ESRRG: variants seen among roughly 807,000 people sequenced by gnomAD.
ESRRG encodes the protein estrogen related receptor gamma.
In ESRRG, 13 loss-of-function variants were observed where a neutral mutation model predicts 44.0. The ratio of observed to expected loss-of-function variants is 0.30; its 90% CI spans 0.19 to 0.47. ESRRG has a LOEUF of 0.47. Among genes scored for constraint, ESRRG ranks in the 20% least tolerant of loss-of-function variants. The pLI, the probability that ESRRG is intolerant of heterozygous loss-of-function variation, is 1.00. For synonymous variants in ESRRG, 215 were observed against 214.6 expected, an observed-to-expected ratio of 1.00 and a Z score of -0.02; for missense variants, 395 against 580.6, an observed-to-expected ratio of 0.68 and a Z score of 3.29.
intron 1 of ESRRG, among the ~76,000 whole-genome samples, chr1:217,120,139 C>T (rs150931485): frequency 3.9e-4 from 59 of 152,200 alleles, no homozygotes; most frequent in African/African-American, 1.4e-3. Context: ...CTCCAAGGCA[C>T]CCCACATTTA....
Position 217,074,206 on chromosome 1 carries a change from C to T in ESRRG, c.-106+15301G>A, listed in dbSNP as rs544523029. ...GAGATTACAGGTGCCCACCACCGTG[C>T]CTGGCTAATTTTTTGTATTTTTAGT... On this transcript the variant is annotated intron_variant, in intron 1 of 7. Transcript: ENST00000359162. Among the ~76,000 whole-genome samples the T allele has an allele frequency of 5.3e-5, 8 of 152,054 alleles. No individual in the cohort carries two copies. The East Asian group carries it at 1.4e-3, about 26-fold the overall frequency.
intron 6 of ESRRG, among the ~76,000 whole-genome samples, chr1:216,514,129 G>C (rs889653971): frequency 2.6e-5 from 4 of 151,980 alleles, no homozygotes; most frequent in African/African-American, 9.7e-5. Context: ...CATTGAACAT[G>C]AAAAGAAATA....
chr1:216,759,239 G>A (rs1045797298), intron 2 of ESRRG, among the ~76,000 whole-genome samples: 4 of 152,124 alleles, frequency 2.6e-5, no homozygotes, highest in Non-Finnish European at 4.4e-5. Flanking sequence ...ACAGTTTCTA[G>A]CAGCAGAAGC....
At chr1:216,740,914 A>G (rs893531837) in intron 2 of ESRRG, among the ~76,000 whole-genome samples, 1 of 144,752 alleles carries the variant, frequency 6.9e-6, no homozygotes, top group African/African-American at 2.5e-5. Context: ...ATACATATTG[A>G]CATTCTTTCA....
intron 2 of ESRRG, among the ~76,000 whole-genome samples, chr1:216,663,079 G>A (rs2072942485): frequency 6.6e-6 from 1 of 152,136 alleles, no homozygotes; most frequent in South Asian, 2.1e-4. Flanking sequence ...TTTGTAAATT[G>A]ATAATAACTG....
intron 1 of ESRRG, among the ~76,000 whole-genome samples, chr1:216,688,610 G>T (rs1191386422): frequency 6.6e-6 from 1 of 152,120 alleles, no homozygotes; most frequent in Admixed American, 6.6e-5. Flanking sequence ...TGACTTATGT[G>T]AAGCAGGCTC....
intron 1 of ESRRG, among the ~76,000 whole-genome samples, chr1:216,961,814 G>A (rs946137409): frequency 1.3e-5 from 2 of 151,972 alleles, no homozygotes; most frequent in African/African-American, 2.4e-5. Context: ...TCAATTGAAC[G>A]AGAAGGTCAT....
intron 1 of ESRRG, among the ~76,000 whole-genome samples, chr1:217,030,670 T>C (rs1014540181): frequency 6.6e-6 from 1 of 152,234 alleles, no homozygotes; most frequent in Non-Finnish European, 1.5e-5. Flanking sequence ...CTAAAGGAGA[T>C]GGGCTGAGCA....
intron 2 of ESRRG, among the ~76,000 whole-genome samples, chr1:216,674,478 A>G (rs2075750415): frequency 6.6e-6 from 1 of 152,192 alleles, no homozygotes; most frequent in Non-Finnish European, 1.5e-5. Context: ...GATGTTTAGG[A>G]CATTCATATG....
intron 1 of ESRRG, among the ~76,000 whole-genome samples, chr1:216,984,831 G>A (rs2150431004): frequency 6.6e-6 from 1 of 152,270 alleles, no homozygotes; most frequent in Admixed American, 6.5e-5. Flanking sequence ...GGAGAAGTCT[G>A]GGTCCATAAA....
intron 2 of ESRRG, among the ~76,000 whole-genome samples, chr1:216,847,641 T>G (rs1187125733): frequency 6.6e-6 from 1 of 152,102 alleles, no homozygotes; most frequent in Non-Finnish European, 1.5e-5. Context: ...TCATTATTCT[T>G]AAGCATATTG....
intron 1 of ESRRG, among the ~76,000 whole-genome samples, chr1:217,059,615 G>A (rs1219693336): frequency 6.6e-6 from 1 of 152,042 alleles, no homozygotes; most frequent in Admixed American, 6.6e-5. Context: ...GCTGGCTAAC[G>A]TGGAACTGTT....
intron 2 of ESRRG, among the ~76,000 whole-genome samples, chr1:216,841,877 T>C (rs1032988486): frequency 7.2e-5 from 11 of 152,128 alleles, no homozygotes; most frequent in Non-Finnish European, 1.5e-4. Flanking sequence ...AATATCTGGG[T>C]TTAGAATGGT....
chr1:216,690,153 T>C (rs1054443889), intron 1 of ESRRG, among the ~76,000 whole-genome samples: 7 of 152,100 alleles, frequency 4.6e-5, no homozygotes, highest in African/African-American at 1.7e-4. Context: ...CTTAGGAATG[T>C]GTATCACAGC....
intron 2 of ESRRG, among the ~76,000 whole-genome samples, chr1:216,672,448 A>G (rs2075366279): frequency 6.6e-6 from 1 of 152,176 alleles, no homozygotes; most frequent in South Asian, 2.1e-4. Context: ...GAAAAGAACA[A>G]TTTGTATTAC....
chr1:216,944,739 C>T (rs575082993), intron 1 of ESRRG, among the ~76,000 whole-genome samples: 1 of 152,184 alleles, frequency 6.6e-6, no homozygotes, highest in South Asian at 2.1e-4. Context: ...ACCATATCTG[C>T]CTGAAAGTGG....
intron 3 of ESRRG, among the ~76,000 whole-genome samples, chr1:216,612,899 A>C (rs1312286848): frequency 6.6e-6 from 1 of 152,238 alleles, no homozygotes; most frequent in Admixed American, 6.5e-5. Context: ...GGGGAAAGCC[A>C]ACTAAATACA....
chr1:217,065,656 A>G (rs2089513907), intron 1 of ESRRG, among the ~76,000 whole-genome samples: 1 of 152,184 alleles, frequency 6.6e-6, no homozygotes, highest in Non-Finnish European at 1.5e-5. Flanking sequence ...TGCCATTTAC[A>G]CACAACCTGA....
chr1:216,770,183 C>T (rs1353415937), intron 2 of ESRRG, among the ~76,000 whole-genome samples: 2 of 151,924 alleles, frequency 1.3e-5, no homozygotes, highest in Non-Finnish European at 2.9e-5. Flanking sequence ...TTTTGGTGGG[C>T]TAATAACTGG....
Sources: allele counts gnomAD v4.1 joint callset (sites outside exome capture counted in the v4.1 genomes callset), GRCh38; gene constraint gnomAD v4.1.1; transcripts MANE v1.5; gene names NCBI Gene and HGNC (gene_info 2026-07-23, HGNC 2026-07-21).